PLEK2: variants seen among roughly 807,000 people sequenced by gnomAD.
PLEK2 encodes the protein pleckstrin-2.
A neutral mutation model predicts 43.8 loss-of-function variants in PLEK2; 29 were observed. That is an observed-to-expected ratio of 0.66 (90% confidence interval 0.49 to 0.90). The LOEUF is 0.90. PLEK2 is among the 40% of genes least tolerant of loss of function. The pLI is 0.00. For missense variants in PLEK2, 398 were observed against 448.1 expected (o/e 0.89, Z 1.01); for synonymous variants, 162 against 173.2 (o/e 0.94, Z 0.51).
intron 7 of PLEK2, among the ~76,000 whole-genome samples, chr14:67,390,442 A>G (rs2085957855): frequency 6.6e-6 from 1 of 152,194 alleles, no homozygotes; most frequent in Non-Finnish European, 1.5e-5. Context: ...CCCATGGGAA[A>G]GTGGGGGATT....
At chr14:67,405,055 G>A (rs942971926) in intron 1 of PLEK2, among the ~76,000 whole-genome samples, 15 of 151,060 alleles carry the variant, frequency 9.9e-5, no homozygotes, top group Non-Finnish European at 2.1e-4. Context: ...CCAACATGGC[G>A]AAACCCCATC....
intron 1 of PLEK2, among the ~76,000 whole-genome samples, chr14:67,409,538 T>C (rs1200753318): frequency 6.6e-6 from 1 of 152,186 alleles, no homozygotes; most frequent in Non-Finnish European, 1.5e-5. Context: ...CCGGCAGTGC[T>C]TCTGTCTCTT....
intron 3 of PLEK2, among the ~76,000 whole-genome samples, chr14:67,395,059 CTGTTA>C (rs1292503982): frequency 6.6e-6 from 1 of 152,120 alleles, no homozygotes; most frequent in Non-Finnish European, 1.5e-5. Context: ...TTCAGGTATT[CTGTTA>C]TAAGTAACAG....
chr14:67,392,489 G>A (rs2085976769), intron 5 of PLEK2, 62 bp from the exon 6 acceptor site: 2 of 1,347,748 alleles, frequency 1.5e-6, no homozygotes, highest in African/African-American at 1.4e-5. Context: ...GGCTATGGCG[G>A]CTGTCAGAGG....
At chr14:67,409,939 G>A (rs2139906610) in intron 1 of PLEK2, among the ~76,000 whole-genome samples, 1 of 152,254 alleles carries the variant, frequency 6.6e-6, no homozygotes, top group Admixed American at 6.5e-5. Flanking sequence ...GGGTTCTGGG[G>A]CCCTATCCTT....
chr14:67,398,219 GT>G (rs11366762), intron 1 of PLEK2, among the ~76,000 whole-genome samples: 22,881 of 151,676 alleles, frequency 0.15, 3,273 homozygotes, highest in East Asian at 0.43. Context: ...TTATTTTCTA[GT>G]TTTTTTTGTT....
chr14:67,405,179 G>A (rs1055005511), intron 1 of PLEK2, among the ~76,000 whole-genome samples: 1 of 137,954 alleles, frequency 7.2e-6, no homozygotes, highest in African/African-American at 2.8e-5. Context: ...GTTGCAGTGA[G>A]CCAAGATTGA....
chr14:67,397,663 G>C lies in PLEK2; in HGVS notation c.206C>G (p.Pro69Arg). The C allele has an allele frequency of 1.2e-6, 2 of 1,609,140 alleles. No homozygotes were observed. The highest frequency in any genetic ancestry group is 1.7e-6 in the Non-Finnish European group (2 of 1,177,516). The change falls in exon 2 of 9, where the codon CCG (proline) becomes CGG (arginine). Residue 69 changes from proline to arginine, a missense_variant and splice_region_variant. Physicochemically the swap from Pro to Arg is moderately radical, Grantham distance 103 (BLOSUM62 -2). Transcript: ENST00000216446. ...TCPCLEYENR[P>R]LLIKLKTQTS... ...TGGACAGCAGGGGCCATCACTTACC[G>C]GTCGGTTTTCATACTCCAGGCAGGG...
At chr14:67,401,521 A>G (rs2086048886) in intron 1 of PLEK2, among the ~76,000 whole-genome samples, 1 of 151,858 alleles carries the variant, frequency 6.6e-6, no homozygotes, top group South Asian at 2.1e-4. Context: ...CTAAAACAAC[A>G]ATAATAATAA....
rs114253263 is a variant in PLEK2, at chr14:67,404,224, G to C, written c.43-6398C>G. ...GAATTCCAATCCTAAGAGATGGTAGGCCACTGGCACAGCCTTCAAGGTCAG... is the reference window on the plus strand; with the variant it reads ...GAATTCCAATCCTAAGAGATGGTAGCCCACTGGCACAGCCTTCAAGGTCAG... On this transcript the variant is annotated intron_variant, in intron 1 of 8. Coordinates refer to ENST00000216446, the MANE Select transcript of PLEK2 (RefSeq NM_016445.3). 4.8e-3 allele frequency among the ~76,000 whole-genome samples: 736 copies of C among 152,294 alleles called. 8 individuals carry two copies. The highest frequency in any genetic ancestry group is 0.017 in the African/African-American group (702 of 41,546).
At chr14:67,398,067 AAAG>A (rs2086023740) in intron 1 of PLEK2, 2 of 359,554 alleles carry the variant, frequency 5.6e-6, no homozygotes, top group African/African-American at 2.1e-5. Flanking sequence ...TACAAAGTAA[AAAG>A]AAGAGAAAAA....
intron 2 of PLEK2, 93 bp downstream of exon 2, chr14:67,397,569 C>A: frequency 3.8e-6 from 4 of 1,055,258 alleles, no homozygotes; most frequent in Non-Finnish European, 2.7e-6. Flanking sequence ...TAACTCTGAG[C>A]TCTTCCTCCT....
intron 8 of PLEK2, 38 bp downstream of exon 8, chr14:67,388,186 C>T: frequency 7.3e-7 from 1 of 1,378,178 alleles, no homozygotes; most frequent in Non-Finnish European, 1.0e-6. Flanking sequence ...GAGGGAGGCC[C>T]CTGAGATCTT....
At chr14:67,397,547 G>T in intron 2 of PLEK2, 115 bp downstream of exon 2, 1 of 871,128 alleles carries the variant, frequency 1.1e-6, no homozygotes, top group Non-Finnish European at 1.7e-6. Flanking sequence ...TTGAATCCAA[G>T]TTTTTCAATT....
At position 67,393,153 on chromosome 14, in the gene PLEK2, G is replaced by A; in HGVS notation, c.478C>T (p.Leu160Phe). The change falls in exon 4 of 9, where the codon CTC becomes TTC. Residue 160 changes from leucine (L) to phenylalanine (F), a missense_variant. Physicochemically the swap from Leu to Phe is conservative, Grantham distance 22. Coordinates refer to ENST00000216446, the MANE Select transcript of PLEK2 (RefSeq NM_016445.3). ...CGGCCCTGGGGGACAGGCTCACCGA[G>A]GAAGGTCTTTTTATAGGTGCTTCCC... ...EQGSTYKKTF[L>F]GSSLVDWLIS... The A allele has an allele frequency of 6.2e-7, 1 of 1,609,720 alleles. No individual in the cohort carries two copies.
chr14:67,395,778 GC>G (rs561016252), intron 2 of PLEK2, among the ~76,000 whole-genome samples, 195 bp from the exon 3 acceptor site: 1 of 152,162 alleles, frequency 6.6e-6, no homozygotes, highest in Non-Finnish European at 1.5e-5. Context: ...GCCTCACACT[GC>G]AGCCTTTCCC....
chr14:67,390,685 A>C lies in PLEK2; in HGVS notation c.833T>G (p.Leu278Arg). 6.2e-7 allele frequency: 1 copy of C among 1,613,248 alleles called. No individual in the cohort carries two copies. Residue 278 changes from leucine to arginine, a missense_variant, in exon 7 of 9, where the codon CTG becomes CGG. Transcript: ENST00000216446. The stretch of plus-strand genomic sequence containing the variant: ...CACTTTGGAAGGGTCATAGTAATGC[A>C]GGAAAGCTGGATCCTTCCTTAGAAC... Reference protein sequence around the residue: ...RFVLRKDPAFLHYYDPSKEEN... With the variant: ...RFVLRKDPAFRHYYDPSKEEN...
chr14:67,392,630 T>A, intron 5 of PLEK2, 32 bp downstream of exon 5: 2 of 1,583,866 alleles, frequency 1.3e-6, no homozygotes, highest in Non-Finnish European at 1.7e-6. Flanking sequence ...ACTTTTGCCC[T>A]GGTGGCAAGA....
chr14:67,403,639 C>T (rs2086061888), intron 1 of PLEK2, among the ~76,000 whole-genome samples: 1 of 152,192 alleles, frequency 6.6e-6, no homozygotes, highest in Non-Finnish European at 1.5e-5. Flanking sequence ...AGGAGAAAAA[C>T]TGATGACAAA....
Sources: allele counts gnomAD v4.1 joint callset (sites outside exome capture counted in the v4.1 genomes callset), GRCh38; gene constraint gnomAD v4.1.1; transcripts MANE v1.5; gene names NCBI Gene and HGNC (gene_info 2026-07-23, HGNC 2026-07-21).